Variants in KCNAB1 observed in about 807,000 individuals in gnomAD.
KCNAB1 encodes voltage-gated potassium channel subunit beta-1.
KCNAB1 carries 35 observed loss-of-function variants against 64.6 expected under a neutral mutation model. The observed-to-expected ratio is 0.54, with a 90% CI of 0.41 to 0.72. KCNAB1 has a LOEUF of 0.72. Among genes scored for constraint, KCNAB1 ranks in the 30% least tolerant of loss-of-function variants. The pLI is 0.00. For missense variants in KCNAB1, 401 were observed against 512.9 expected (o/e 0.78, Z 2.11); for synonymous variants, 177 against 183.8 (o/e 0.96, Z 0.30).
chr3:156,536,627 A>AT, intron 13 of KCNAB1, 31 bp from the exon 14 acceptor site: 2 of 1,448,054 alleles, frequency 1.4e-6, no homozygotes, highest in Non-Finnish European at 1.9e-6. Context: ...ACTGCTAACA[A>AT]TATCCTTTGT....
intron 1 of KCNAB1, among the ~76,000 whole-genome samples, chr3:156,321,667 T>C (rs1428822407): frequency 6.6e-6 from 1 of 152,252 alleles, no homozygotes; most frequent in Admixed American, 6.5e-5. Context: ...ATTGTTTTAA[T>C]ATCAAAATGC....
Position 156,452,960 on chromosome 3 carries a change from A to T in KCNAB1, c.357+24A>T, listed in dbSNP as rs780813066. 1 of 1,566,174 alleles carries T rather than the reference A, an allele frequency of 6.4e-7. No individual in the cohort carries two copies. ...AGGTAAGTTACCTTTGGCCTCTATT[A>T]TGCTAATGAAAGAAAATGCAGAGAG... On this transcript the variant is annotated intron_variant, in intron 3 of 13. Transcript: ENST00000490337. This position sits in a 1 kb window ranked among gnomAD's most constrained non-coding sequence, Gnocchi z 4.6.
At chr3:156,466,237 T>A (rs1044396082) in intron 7 of KCNAB1, among the ~76,000 whole-genome samples, 3 of 152,172 alleles carry the variant, frequency 2.0e-5, no homozygotes, top group Non-Finnish European at 2.9e-5. Flanking sequence ...TCTCATGATA[T>A]ATGATATTTT....
At chr3:156,354,047 A>ATGTGTGTGTGTGTGTGTG (rs368761986) in intron 1 of KCNAB1, among the ~76,000 whole-genome samples, 94 of 137,578 alleles carry the variant, frequency 6.8e-4, no homozygotes, top group African/African-American at 2.4e-3. Flanking sequence ...GTGTATATAT[A>ATGTGTGTGTGTGTGTGTG]TGTGTGTGTG....
chr3:156,206,426 C>T (rs140665978), intron 1 of KCNAB1, among the ~76,000 whole-genome samples: 3 of 152,302 alleles, frequency 2.0e-5, no homozygotes, highest in African/African-American at 7.2e-5. Flanking sequence ...ATTCCTATGA[C>T]CATCCCCCTG....
At chr3:156,511,293 C>T (rs1559922811) in intron 8 of KCNAB1, among the ~76,000 whole-genome samples, 3 of 151,880 alleles carry the variant, frequency 2.0e-5, no homozygotes, top group Non-Finnish European at 4.4e-5. Flanking sequence ...TTAGTAGAGA[C>T]GGGGTTTCAC....
rs942325493 is a variant in KCNAB1, at chr3:156,294,844, G to T, written c.276-126772G>T. Among the ~76,000 whole-genome samples, 14 of 152,158 alleles carry T rather than the reference G, an allele frequency of 9.2e-5. No individual in the cohort carries two copies. The South Asian group carries it at 2.7e-3, about 29-fold the overall frequency. ...TTTTGTTCATTTTTCTGAGGAAAGG[G>T]TTTATAGCTTTCACCAGAATTTGAA... On this transcript the variant is annotated intron_variant, in intron 1 of 13. Coordinates refer to ENST00000490337, the MANE Select transcript of KCNAB1 (RefSeq NM_172160.3).
chr3:156,487,359 T>C lies in KCNAB1; in HGVS notation c.658+12539T>C, dbSNP rs1033363318. ...TCACTTCAACTTTGGGAAGTAATTATTTGTTAATGTTCAAATAGTGGAAAA... is the reference window on the plus strand; with the variant it reads ...TCACTTCAACTTTGGGAAGTAATTACTTGTTAATGTTCAAATAGTGGAAAA... On this transcript the variant is annotated intron_variant, in intron 8 of 13. Transcript: ENST00000490337. Among the ~76,000 whole-genome samples the C allele has an allele frequency of 2.0e-5, 3 of 152,286 alleles. 1 individual carries two copies. In the South Asian group the frequency reaches 6.2e-4, roughly 32 times the overall value.
intron 2 of KCNAB1, among the ~76,000 whole-genome samples, chr3:156,439,224 A>ATT (rs56259743): frequency 2.4e-4 from 28 of 115,084 alleles, no homozygotes; most frequent in East Asian, 1.0e-3. Context: ...CATCATTGTG[A>ATT]TTTTTTTTTT....
intron 1 of KCNAB1, among the ~76,000 whole-genome samples, chr3:156,168,791 G>A (rs1159217947): frequency 1.3e-5 from 2 of 152,170 alleles, no homozygotes; most frequent in African/African-American, 4.8e-5. Flanking sequence ...CTCTAATGTA[G>A]ACATTTGCTC....
intron 1 of KCNAB1, among the ~76,000 whole-genome samples, chr3:156,256,395 C>T: frequency 6.6e-6 from 1 of 152,198 alleles, no homozygotes; most frequent in East Asian, 1.9e-4. Context: ...GATGATGTGG[C>T]CCAGCATTTA....
chr3:156,395,616 T>G (rs1253661028), intron 1 of KCNAB1, among the ~76,000 whole-genome samples: 2 of 144,738 alleles, frequency 1.4e-5, no homozygotes, highest in Non-Finnish European at 3.0e-5. Flanking sequence ...AGGCCATTGG[T>G]TCCAACGTAC....
chr3:156,539,118 T>TATC (rs1356157644), downstream of KCNAB1: 5 of 152,212 alleles, frequency 3.3e-5, no homozygotes, highest in South Asian at 6.2e-4. Flanking sequence ...GCAGAGAATC[T>TATC]ATCATTCCAA....
At chr3:156,283,577 A>G (rs1415940609) in intron 1 of KCNAB1, among the ~76,000 whole-genome samples, 2 of 151,562 alleles carry the variant, frequency 1.3e-5, no homozygotes, top group African/African-American at 4.9e-5. Context: ...AGTTGGTTCC[A>G]TTCTCCCCAT....
intron 1 of KCNAB1, among the ~76,000 whole-genome samples, chr3:156,233,873 G>A (rs1716687749): frequency 6.6e-6 from 1 of 152,040 alleles, no homozygotes; most frequent in Admixed American, 6.6e-5. Flanking sequence ...GCCTTTTCTT[G>A]AGGAAAGAAG....
chr3:156,490,486 T>C lies in KCNAB1; in HGVS notation c.658+15666T>C, dbSNP rs577540413. Among the ~76,000 whole-genome samples the C allele has an allele frequency of 2.1e-3, 326 of 151,986 alleles. 2 individuals carry two copies. The highest frequency in any genetic ancestry group is 1.4e-3 in the Non-Finnish European group (92 of 67,992). On this transcript the variant is annotated intron_variant, in intron 8 of 13. Coordinates refer to ENST00000490337, the MANE Select transcript of KCNAB1 (RefSeq NM_172160.3). Reference sequence around the variant, plus strand: ...ATGTTCAAAGAAACTATAATATACTTGGTGATATAAGAGAAGGTACTACAT... The same window carrying C: ...ATGTTCAAAGAAACTATAATATACTCGGTGATATAAGAGAAGGTACTACAT...
chr3:156,239,803 C>T (rs1576635500), intron 1 of KCNAB1, among the ~76,000 whole-genome samples: 2 of 152,110 alleles, frequency 1.3e-5, no homozygotes, highest in African/African-American at 4.8e-5. Flanking sequence ...AAGAAAACTC[C>T]ATCTTCTTCA....
At chr3:156,432,598 G>A (rs892695699) in intron 2 of KCNAB1, among the ~76,000 whole-genome samples, 1 of 152,148 alleles carries the variant, frequency 6.6e-6, no homozygotes, top group Non-Finnish European at 1.5e-5. Flanking sequence ...TGGAGCTGAC[G>A]GTCTAACCAT....
At chr3:156,343,058 C>T (rs1465736544) in intron 1 of KCNAB1, among the ~76,000 whole-genome samples, 1 of 152,132 alleles carries the variant, frequency 6.6e-6, no homozygotes, top group Non-Finnish European at 1.5e-5. Flanking sequence ...TATTAGCCTC[C>T]CTACCCTCAC....
Sources: gnomAD v4.1 joint callset for allele counts (sites outside exome capture counted in the v4.1 genomes callset) on GRCh38, gnomAD v4.1.1 for gene constraint, Gnocchi (gnomAD v3.1) non-coding constraint, MANE v1.5 for transcripts, NCBI Gene and HGNC (gene_info 2026-07-23, HGNC 2026-07-21) for gene names.